The following CDC42BPB variants were observed in gnomAD, a reference collection of about 807,000 sequenced individuals.
The protein encoded by CDC42BPB is serine/threonine-protein kinase MRCK beta.
CDC42BPB carries 37 observed loss-of-function variants against 214.9 expected under a neutral mutation model. The ratio of observed to expected loss-of-function variants is 0.17; its 90% CI spans 0.13 to 0.23. The LOEUF is 0.23. Among genes scored for constraint, CDC42BPB ranks in the 10% least tolerant of loss-of-function variants. The probability of loss-of-function intolerance (pLI) is 1.00; values close to 1 mark genes in which losing one functional copy is unlikely to be tolerated. For missense variants in CDC42BPB, 1,694 were observed against 2,227.0 expected (o/e 0.76, Z 4.82); for synonymous variants, 931 against 884.0 (o/e 1.05, Z -0.94).
rs12434482 is a variant in CDC42BPB, at chr14:102,988,884, A to C, written c.597-2304T>G. ...AACCCCCCCTTCCAAAAAAAAAAAA[A>C]AAACAAACAAACCAACACGTGGGTT... On this transcript the variant is annotated intron_variant, in intron 5 of 36. Coordinates refer to ENST00000361246, the MANE Select transcript of CDC42BPB (RefSeq NM_006035.4). Among the ~76,000 whole-genome samples the C allele has an allele frequency of 0.028, 4,193 of 151,516 alleles. 331 individuals are homozygous for C. The East Asian group carries it at 0.32, about 12-fold the overall frequency.
At chr14:102,962,799 C>A (rs1028007455) in intron 20 of CDC42BPB, among the ~76,000 whole-genome samples, 3 of 152,038 alleles carry the variant, frequency 2.0e-5, no homozygotes, top group African/African-American at 7.3e-5. Flanking sequence ...TTGCAGTGAG[C>A]CGAGATTGTG....
intron 1 of CDC42BPB, among the ~76,000 whole-genome samples, chr14:103,032,780 G>C (rs930577128): frequency 1.7e-4 from 25 of 151,350 alleles, no homozygotes; most frequent in African/African-American, 6.1e-4. Context: ...TTACAGGCAT[G>C]CAGCACCACG....
At chr14:103,041,804 T>A in intron 1 of CDC42BPB, 1 of 413,728 alleles carries the variant, frequency 2.4e-6, no homozygotes, top group Non-Finnish European at 4.7e-6. Context: ...CAGGCCAAGG[T>A]GCGGCGGCTG....
chr14:103,039,472 C>T (rs1376650415), intron 1 of CDC42BPB, among the ~76,000 whole-genome samples: 1 of 152,032 alleles, frequency 6.6e-6, no homozygotes, highest in African/African-American at 2.4e-5. Flanking sequence ...GTTGGTTCAA[C>T]AAACAAAAAC....
rs961032605 is a variant in CDC42BPB at position 102,932,668 on chromosome 14, G to A, written c.*1044C>T. On this transcript the variant is annotated 3_prime_UTR_variant, in exon 37 of 37. Transcript: ENST00000361246. ...CTGGCCCAAGCTGTGGACAAGCTGT[G>A]TCTGCCGCCACAGTTAATCACAAGC... The A allele has an allele frequency of 1.3e-5, 2 of 152,408 alleles. No homozygotes were observed. Among genetic ancestry groups the A allele is most frequent in the Non-Finnish European group, 2.9e-5 (2 of 68,030 alleles). The allele number at this position is 152,408 out of a possible 1,614,324, so 9.4% of individuals were successfully genotyped here. A position where few individuals can be genotyped will look rare whatever the true frequency, so the allele number is the denominator to read the frequency against.
intron 5 of CDC42BPB, among the ~76,000 whole-genome samples, chr14:102,991,229 G>A (rs1894475242): frequency 6.6e-6 from 1 of 152,162 alleles, no homozygotes; most frequent in Non-Finnish European, 1.5e-5. Context: ...ACCCTGAGAA[G>A]GACACAATAT....
chr14:103,012,228 A>C, intron 1 of CDC42BPB, 40 bp from the exon 2 acceptor site: 2 of 1,536,090 alleles, frequency 1.3e-6, no homozygotes, highest in Non-Finnish European at 1.8e-6. Context: ...TAGTCTAATC[A>C]GTTCATACTA....
Position 102,970,273 on chromosome 14 carries a change from A to G in CDC42BPB, c.1885-12T>C. 1 of 1,606,068 alleles carries G rather than the reference A, an allele frequency of 6.2e-7. No individual in the cohort carries two copies. Among genetic ancestry groups the G allele is most frequent in the Middle Eastern group, 1.7e-4 (1 of 6,048 alleles). ...AGCTGAGCTTCCAGCTACAAAAGGA[A>G]GATCCAGTTTCTATTAACAAAAAGC... is the stretch of plus-strand genomic sequence containing the variant. On this transcript the variant is annotated splice_polypyrimidine_tract_variant and intron_variant, in intron 13 of 36. Coordinates refer to ENST00000361246, the MANE Select transcript of CDC42BPB (RefSeq NM_006035.4).
At position 102,946,476 on chromosome 14, in the gene CDC42BPB, G is replaced by A; in HGVS notation, c.3740C>T (p.Ala1247Val). 1 of 1,612,678 alleles carries A rather than the reference G, an allele frequency of 6.2e-7. No homozygotes were observed. Among genetic ancestry groups the A allele is most frequent in the Middle Eastern group, 1.7e-4 (1 of 5,990 alleles). Residue 1247 changes from alanine (A) to valine (V), a missense_variant, in exon 28 of 37, where the codon GCC becomes GTC. Physicochemically the swap from Ala to Val is moderately conservative, Grantham distance 64. Around this residue, in one of 7 missense-constraint regions of CDC42BPB, gnomAD observed 567 missense variants for 790.3 expected, o/e 0.72. Transcript: ENST00000361246. ...LPLIKAILTA[A>V]IVDADRIAVG... Reference sequence around the variant, plus strand: ...CAACCTTTGGGACGTACCCACGATGGCAGCTGTCAGGATGGCCTTGATGAG... The same window carrying A: ...CAACCTTTGGGACGTACCCACGATGACAGCTGTCAGGATGGCCTTGATGAG...
chr14:102,962,340 T>C lies in CDC42BPB; in HGVS notation c.2821+721A>G, dbSNP rs141973051. 1.3e-4 allele frequency among the ~76,000 whole-genome samples: 20 copies of C among 152,300 alleles called. No homozygotes were observed. The East Asian group carries it at 3.5e-3, about 26-fold the overall frequency. ...GAAATACACCGACAAAAACAGGAAA[T>C]GTTCTATCCATACAGCCACTCCTGG... On this transcript the variant is annotated intron_variant, in intron 20 of 36. Transcript: ENST00000361246.
intron 1 of CDC42BPB, among the ~76,000 whole-genome samples, chr14:103,038,784 C>A (rs1371130569): frequency 1.3e-5 from 2 of 151,246 alleles, no homozygotes; most frequent in African/African-American, 4.9e-5. Context: ...AGTGATTCGC[C>A]CACCTCAGCC....
At chr14:102,963,466 A>T (rs1365011859) in intron 19 of CDC42BPB, 1 of 173,096 alleles carries the variant, frequency 5.8e-6, no homozygotes, top group Non-Finnish European at 1.1e-5. Context: ...CACAGGGCCC[A>T]GGCCGCTCAG....
chr14:103,023,637 A>G (rs1886888441), intron 1 of CDC42BPB, among the ~76,000 whole-genome samples: 1 of 152,140 alleles, frequency 6.6e-6, no homozygotes, highest in African/African-American at 2.4e-5. Flanking sequence ...AGAAATTAAT[A>G]ATTTTACTCA....
chr14:102,994,753 C>T (rs1405828771), intron 5 of CDC42BPB, among the ~76,000 whole-genome samples: 1 of 152,218 alleles, frequency 6.6e-6, no homozygotes, highest in African/African-American at 2.4e-5. Flanking sequence ...CCTTCCAGCT[C>T]TTCCTCTGAC....
intron 1 of CDC42BPB, among the ~76,000 whole-genome samples, chr14:103,014,145 G>A (rs1228964947): frequency 4.5e-5 from 6 of 134,496 alleles, no homozygotes; most frequent in East Asian, 2.2e-4. Context: ...TAGCCTGGGC[G>A]ACACAGCGAG....
At chr14:103,042,740 C>T (rs934210353) in intron 1 of CDC42BPB, among the ~76,000 whole-genome samples, 1 of 152,110 alleles carries the variant, frequency 6.6e-6, no homozygotes, top group African/African-American at 2.4e-5. Flanking sequence ...CAAATCAAAA[C>T]CACAATGAGA....
At chr14:102,996,869 G>C (rs1481146896) in intron 5 of CDC42BPB, among the ~76,000 whole-genome samples, 1 of 150,142 alleles carries the variant, frequency 6.7e-6, no homozygotes, top group Non-Finnish European at 1.5e-5. Flanking sequence ...ACTATGTTAA[G>C]AAATGTATTT....
intron 6 of CDC42BPB, chr14:102,986,169 A>C (rs1361354407): frequency 1.8e-5 from 5 of 283,700 alleles, no homozygotes; most frequent in Non-Finnish European, 2.7e-5. Context: ...TTTAAGGAAG[A>C]AGCAGGGAGC....
rs1894459747 is a variant in CDC42BPB at position 102,990,843 on chromosome 14, A to T, written c.597-4263T>A. On this transcript the variant is annotated intron_variant, in intron 5 of 36. Coordinates refer to ENST00000361246, the MANE Select transcript of CDC42BPB (RefSeq NM_006035.4). ...ATGGGCCAATTTCAGCACAAAAATAACTAAGATAGTGAATTAAAAACCACT... is the reference window on the plus strand; with the variant it reads ...ATGGGCCAATTTCAGCACAAAAATATCTAAGATAGTGAATTAAAAACCACT... Among the ~76,000 whole-genome samples the T allele has an allele frequency of 2.0e-5, 3 of 152,224 alleles. No individual in the cohort carries two copies. The South Asian group carries it at 6.2e-4, about 31-fold the overall frequency.
Sources: allele counts gnomAD v4.1 joint callset (sites outside exome capture counted in the v4.1 genomes callset), GRCh38; gene constraint gnomAD v4.1.1; regional missense constraint gnomAD v4.1.1; transcripts MANE v1.5; gene names NCBI Gene and HGNC (gene_info 2026-07-23, HGNC 2026-07-21).